RSPH4A: variants seen among roughly 807,000 people sequenced by gnomAD.
The protein encoded by RSPH4A is radial spoke head component 4A.
RSPH4A carries 47 observed loss-of-function variants against 71.0 expected under a neutral mutation model. The ratio of observed to expected loss-of-function variants is 0.66; its 90% CI spans 0.52 to 0.84. RSPH4A has a LOEUF of 0.84. RSPH4A is among the 40% of genes least tolerant of loss of function. RSPH4A has a pLI of 0.00. For synonymous variants in RSPH4A, 282 were observed against 302.3 expected (o/e 0.93, Z 0.70); for missense variants, 793 against 855.2 (o/e 0.93, Z 0.91).
At chr6:116,622,722 A>G in intron 1 of RSPH4A, 46 bp from the exon 2 acceptor site, 1 of 1,215,522 alleles carries the variant, frequency 8.2e-7, no homozygotes. Context: ...GCTTCTTCAA[A>G]TGCTCTTGAC....
intron 3 of RSPH4A, among the ~76,000 whole-genome samples, chr6:116,629,330 T>C (rs775646900): frequency 6.6e-6 from 1 of 152,196 alleles, no homozygotes; most frequent in Non-Finnish European, 1.5e-5. Flanking sequence ...AAGTGATAAT[T>C]TAAAAATACA....
At position 116,616,688 on chromosome 6, in the gene RSPH4A, G is replaced by A. The variant is rs762438592; in HGVS notation, c.65G>A (p.Arg22Gln). The A allele has an allele frequency of 2.5e-5, 40 of 1,613,982 alleles. No homozygotes were observed. Among genetic ancestry groups the A allele is most frequent in the Non-Finnish European group, 3.2e-5 (38 of 1,180,024 alleles). ...CAAGAAGAACTAGGGGAAACAAGGC[G>A]GCCATGGGAAGGAAAGACAGCAGCT... is the stretch of plus-strand genomic sequence containing the variant. ...ENQEELGETR[R>Q]PWEGKTAASP... Residue 22 changes from arginine (R) to glutamine (Q), a missense_variant, in exon 1 of 6, where the codon CGG (arginine) becomes CAG (glutamine). Arg to Gln is a conservative substitution (Grantham distance 43, BLOSUM62 1). Transcript: ENST00000229554.
intron 3 of RSPH4A, among the ~76,000 whole-genome samples, chr6:116,628,868 GGTGT>G (rs890905024): frequency 6.6e-6 from 1 of 151,988 alleles, no homozygotes; most frequent in African/African-American, 2.4e-5. Context: ...TGTGTGTTGG[GGTGT>G]GTGTTTGTGC....
At position 116,627,775 on chromosome 6, in the gene RSPH4A, G is replaced by A. The variant is rs371374918; in HGVS notation, c.1068G>A (p.Trp356Ter). The A allele has an allele frequency of 9.3e-6, 15 of 1,614,152 alleles. No individual in the cohort carries two copies. Among genetic ancestry groups the A allele is most frequent in the Non-Finnish European group, 1.1e-5 (13 of 1,180,028 alleles). The change falls in exon 3 of 6, where the codon TGG becomes TGA. Residue 356 changes from tryptophan (W) to a stop codon, truncating the protein, a stop_gained. Transcript: ENST00000229554. LOFTEE classifies it high-confidence loss of function. ...ACCCAATCCAAAGATGCCGCTTCTG[G>A]GGAAAGATCTTGGGTCTGGAAATGA... ...DTHPIQRCRFWGKILGLEMNY... is the reference protein window; with the variant it reads ...DTHPIQRCRF
chr6:116,623,791 T>C (rs1261641154), intron 2 of RSPH4A, among the ~76,000 whole-genome samples: 1 of 152,216 alleles, frequency 6.6e-6, no homozygotes, highest in Non-Finnish European at 1.5e-5. Flanking sequence ...TGACTTGATA[T>C]TATGTATATT....
chr6:116,619,955 G>A (rs752612146), intron 1 of RSPH4A, among the ~76,000 whole-genome samples: 1 of 152,184 alleles, frequency 6.6e-6, no homozygotes, highest in African/African-American at 2.4e-5. Flanking sequence ...TCCTGACTTC[G>A]TGATCTGCCT....
intron 1 of RSPH4A, 121 bp downstream of exon 1, chr6:116,617,430 A>G: frequency 2.8e-6 from 2 of 718,188 alleles, no homozygotes; most frequent in Non-Finnish European, 4.6e-6. Flanking sequence ...GTGTTAGTAA[A>G]AGAGAGTTAA....
intron 2 of RSPH4A, among the ~76,000 whole-genome samples, chr6:116,626,764 G>A (rs1045854330): frequency 2.6e-5 from 4 of 151,966 alleles, no homozygotes; most frequent in African/African-American, 9.7e-5. Flanking sequence ...TAAGTAGAAG[G>A]AGCATCTGAC....
intron 2 of RSPH4A, among the ~76,000 whole-genome samples, chr6:116,623,378 A>G (rs1287107509): frequency 6.6e-6 from 1 of 152,140 alleles, no homozygotes; most frequent in Non-Finnish European, 1.5e-5. Flanking sequence ...GAGCTACTGC[A>G]CCTGGCCCTT....
At chr6:116,631,493 C>T (rs774271617) in intron 5 of RSPH4A, among the ~76,000 whole-genome samples, 7 of 152,064 alleles carry the variant, frequency 4.6e-5, no homozygotes, top group Admixed American at 2.0e-4. Flanking sequence ...AATCCTCAAA[C>T]GGCTCCTGCA....
At position 116,629,259 on chromosome 6, in the gene RSPH4A, C is replaced by A. The variant is rs187999786; in HGVS notation, c.1663-308C>A. On this transcript the variant is annotated intron_variant, in intron 3 of 5. Coordinates refer to ENST00000229554, the MANE Select transcript of RSPH4A (RefSeq NM_001010892.3). ...TTAGCTCTCTCACATAAATTATTTA[C>A]CACAAACCAGTAAAATACACTCTTA... is the stretch of plus-strand genomic sequence containing the variant. Among the ~76,000 whole-genome samples, 1,446 of 152,228 alleles carry A rather than the reference C, an allele frequency of 9.5e-3. 76 individuals carry two copies. Among genetic ancestry groups the A allele is most frequent in the Admixed American group, 0.088 (1,351 of 15,284 alleles).
chr6:116,622,812 G>T lies in RSPH4A; in HGVS notation c.731G>T (p.Arg244Leu). ...ATGTTGACCAAGATATTAAATGAGC[G>T]TCCTGAAAATGCTGTTGACATCTTT... ...SNMLTKILNE[R>L]PENAVDIFEN... is the part of the protein sequence containing the mutation. The change falls in exon 2 of 6, where the codon CGT becomes CTT. Residue 244 changes from arginine to leucine, a missense_variant. Transcript: ENST00000229554. The T allele has an allele frequency of 6.2e-7, 1 of 1,612,336 alleles. No homozygotes were observed. The highest frequency in any genetic ancestry group is 2.2e-5 in the East Asian group (1 of 44,840).
In RSPH4A at chr6:116,629,666, G is replaced by T; in HGVS notation, c.1762G>T (p.Gly588Trp). The T allele has an allele frequency of 1.2e-6, 2 of 1,612,890 alleles. No homozygotes were observed. The highest frequency in any genetic ancestry group is 1.7e-6 in the Non-Finnish European group (2 of 1,178,950). The stretch of plus-strand genomic sequence containing the variant: ...TTCTGACTACATAGAACAGGAAGTG[G>T]GGCTTCCTCTTTTGACACCAATCTC... ...DDSDYIEQEVGLPLLTPISED... is the reference protein window; with the variant it reads ...DDSDYIEQEVWLPLLTPISED... Residue 588 changes from glycine to tryptophan, a missense_variant, in exon 4 of 6, where the codon GGG (glycine) becomes TGG (tryptophan). Gly to Trp is a radical substitution (Grantham distance 184). Coordinates refer to ENST00000229554, the MANE Select transcript of RSPH4A (RefSeq NM_001010892.3).
intron 1 of RSPH4A, among the ~76,000 whole-genome samples, chr6:116,619,511 C>A (rs1372232930): frequency 6.6e-6 from 1 of 152,090 alleles, no homozygotes; most frequent in Non-Finnish European, 1.5e-5. Context: ...TTCCTAAGTT[C>A]TCACCATGAT....
Position 116,617,019 on chromosome 6 carries a change from T to C in RSPH4A, c.396T>C (p.Ser132=), listed in dbSNP as rs766758184. Residue 132 remains serine, a synonymous_variant, in exon 1 of 6, where the codon TCT becomes TCC. Transcript: ENST00000229554. ...ATCCTGATCCTTTGGAACAATCATCTGATAAAAGAGAATCAACTCCTCATC... is the reference window on the plus strand; with the variant it reads ...ATCCTGATCCTTTGGAACAATCATCCGATAAAAGAGAATCAACTCCTCATC... ...TPYPDPLEQS[S]DKRESTPHHT... is the part of the protein sequence containing the mutation. The C allele has an allele frequency of 6.2e-7, 1 of 1,614,224 alleles. No homozygotes were observed. Among genetic ancestry groups the C allele is most frequent in the Admixed American group, 1.7e-5 (1 of 60,028 alleles).
chr6:116,621,515 C>T (rs545791481), intron 1 of RSPH4A, among the ~76,000 whole-genome samples: 106 of 152,190 alleles, frequency 7.0e-4, no homozygotes, highest in African/African-American at 2.4e-3. Flanking sequence ...CTGTGAAGAA[C>T]GTACTGCAGT....
intron 2 of RSPH4A, among the ~76,000 whole-genome samples, chr6:116,625,251 A>G (rs1040092296): frequency 3.3e-5 from 5 of 152,232 alleles, no homozygotes; most frequent in African/African-American, 9.6e-5. Context: ...AGTGGAGGTA[A>G]TATTTCATTT....
At chr6:116,631,629 G>A (rs1775805874) in intron 5 of RSPH4A, among the ~76,000 whole-genome samples, 1 of 152,170 alleles carries the variant, frequency 6.6e-6, no homozygotes, top group Non-Finnish European at 1.5e-5. Flanking sequence ...AAGAGACCTA[G>A]GAACGGAAGC....
Position 116,628,313 on chromosome 6 carries a change from G to C in RSPH4A, c.1606G>C (p.Asp536His), listed in dbSNP as rs751415229. 1.2e-6 allele frequency: 2 copies of C among 1,612,304 alleles called. No homozygotes were observed. Among genetic ancestry groups the C allele is most frequent in the Non-Finnish European group, 1.7e-6 (2 of 1,179,396 alleles). ...NPDFEGIQVI[D>H]LVESLSNWVH... ...TGATTTTGAAGGCATCCAAGTGATT[G>C]ATCTAGTAGAATCCCTATCCAATTG... is the stretch of plus-strand genomic sequence containing the variant. The change falls in exon 3 of 6, where the codon GAT becomes CAT. Residue 536 changes from aspartate to histidine, a missense_variant. Physicochemically the swap from Asp to His is moderately conservative, Grantham distance 81. Transcript: ENST00000229554.
Sources: gnomAD v4.1 joint callset for allele counts (sites outside exome capture counted in the v4.1 genomes callset) on GRCh38, gnomAD v4.1.1 for gene constraint, MANE v1.5 for transcripts, NCBI Gene and HGNC (gene_info 2026-07-23, HGNC 2026-07-21) for gene names.